The following MYOM2 variants were observed in gnomAD, a reference collection of about 807,000 sequenced individuals.
MYOM2 encodes the protein myomesin 2.
MYOM2 carries 254 observed loss-of-function variants against 187.6 expected under a neutral mutation model. The ratio of observed to expected loss-of-function variants is 1.35; its 90% CI spans 1.22 to 1.50. The LOEUF is 1.50. MYOM2 is among the 40% of genes most tolerant of loss of function. The pLI, the probability that MYOM2 is intolerant of heterozygous loss-of-function variation, is 0.00. For synonymous variants in MYOM2, 981 were observed against 753.8 expected (o/e 1.30, Z -4.94); for missense variants, 2,796 against 1,924.0 (o/e 1.45, Z -8.48).
intron 4 of MYOM2, 40 bp downstream of exon 4, chr8:2,057,526 G>C (rs1286470861): frequency 2.5e-6 from 4 of 1,613,370 alleles, no homozygotes; most frequent in Non-Finnish European, 3.4e-6. Flanking sequence ...TGGGAAGCGT[G>C]GACTAGATCT....
At chr8:2,138,114 G>C (rs1037410488) in intron 32 of MYOM2, among the ~76,000 whole-genome samples, 8 of 152,220 alleles carry the variant, frequency 5.3e-5, no homozygotes, top group African/African-American at 1.9e-4. Context: ...ATAGCGACCT[G>C]CTGTGAGCTC....
Position 2,143,401 on chromosome 8 carries a change from A to C in MYOM2, c.4025A>C (p.Asn1342Thr), listed in dbSNP as rs763400998. ...TAACCAAGGTGCTTTCCCGTTGCAGATCGTGGCAGGTTGATCGGCGGCTTG... is the reference window on the plus strand; with the variant it reads ...TAACCAAGGTGCTTTCCCGTTGCAGCTCGTGGCAGGTTGATCGGCGGCTTG... The part of the protein sequence containing the change: ...QFKAAAFAEK[N>T]RGRLIGGLPD... Residue 1342 changes from asparagine to threonine, a missense_variant and splice_region_variant, in exon 36 of 37, where the codon AAT (asparagine) becomes ACT (threonine). Coordinates refer to ENST00000262113, the MANE Select transcript of MYOM2 (RefSeq NM_003970.4). The C allele has an allele frequency of 1.2e-6, 2 of 1,613,972 alleles. No individual in the cohort carries two copies. The highest frequency in any genetic ancestry group is 1.7e-6 in the Non-Finnish European group (2 of 1,180,046).
intron 25 of MYOM2, among the ~76,000 whole-genome samples, chr8:2,113,649 G>A (rs1278782336): frequency 6.6e-6 from 1 of 152,158 alleles, no homozygotes; most frequent in Non-Finnish European, 1.5e-5. Flanking sequence ...GGTCTCAGTT[G>A]ATCAAGAAGG....
rs867879692 is a variant in MYOM2, at chr8:2,085,455, T to C, written c.1644+65T>C. 1.2e-3 allele frequency: 1,866 copies of C among 1,561,554 alleles called. 31 individuals are homozygous for C. The highest frequency in any genetic ancestry group is 5.3e-3 in the Middle Eastern group (30 of 5,638). On this transcript the variant is annotated intron_variant, in intron 14 of 36. Coordinates refer to ENST00000262113, the MANE Select transcript of MYOM2 (RefSeq NM_003970.4). ...CATGGCCCCCCACTGTCATGATCTC[T>C]GCGTGGCCCACCGCTGTCGTGATCT...
At chr8:2,075,375 G>A (rs141333033) in intron 10 of MYOM2, among the ~76,000 whole-genome samples, 1 of 152,180 alleles carries the variant, frequency 6.6e-6, no homozygotes, top group African/African-American at 2.4e-5. Context: ...TAAGGCAAAG[G>A]TGGGGAGTTT....
chr8:2,058,044 A>G (rs1331713912), intron 5 of MYOM2, among the ~76,000 whole-genome samples: 5 of 96,026 alleles, frequency 5.2e-5, no homozygotes, highest in Admixed American at 1.7e-4. Context: ...TTTGAGATGG[A>G]GTCTCGCTCT....
chr8:2,098,909 A>G lies in MYOM2; in HGVS notation c.2366A>G (p.Asn789Ser). The change falls in exon 19 of 37, where the codon AAC (asparagine) becomes AGC (serine). Residue 789 changes from asparagine to serine, a missense_variant. Physicochemically the swap from Asn to Ser is conservative, Grantham distance 46. Coordinates refer to ENST00000262113, the MANE Select transcript of MYOM2 (RefSeq NM_003970.4). ...SLYEFKIAAV[N>S]LAGIGEPSDP... ...TACGAGTTCAAAATCGCCGCCGTCA[A>G]CCTGGCCGGCATCGGGGAGCCCTCA... 1 of 1,613,354 alleles carries G rather than the reference A, an allele frequency of 6.2e-7. No individual in the cohort carries two copies. The highest frequency in any genetic ancestry group is 8.5e-7 in the Non-Finnish European group (1 of 1,179,750).
rs369035574 is a variant in MYOM2, at chr8:2,054,289, G to A, written c.263+1976G>A. ...TTGGCGCTCTGAAGGCACTCAACACGTCCTTCTGGAAGATACGACCCCGAT... is the reference window on the plus strand; with the variant it reads ...TTGGCGCTCTGAAGGCACTCAACACATCCTTCTGGAAGATACGACCCCGAT... On this transcript the variant is annotated intron_variant, in intron 3 of 36. Transcript: ENST00000262113. 1.2e-4 allele frequency among the ~76,000 whole-genome samples: 18 copies of A among 152,180 alleles called. No individual in the cohort carries two copies. The East Asian group carries it at 2.9e-3, about 24-fold the overall frequency.
At chr8:2,112,897 C>G (rs895698154) in intron 25 of MYOM2, among the ~76,000 whole-genome samples, 3 of 152,212 alleles carry the variant, frequency 2.0e-5, no homozygotes, top group Non-Finnish European at 4.4e-5. Flanking sequence ...GTTCCAAGGG[C>G]TGACGGAGTC....
chr8:2,049,822 G>C (rs1050478613), intron 1 of MYOM2, among the ~76,000 whole-genome samples: 3 of 152,158 alleles, frequency 2.0e-5, no homozygotes. Context: ...ATGTACAGCA[G>C]ATTGCCATGT....
At chr8:2,089,482 C>G (rs1387856870) in intron 14 of MYOM2, among the ~76,000 whole-genome samples, 1 of 152,140 alleles carries the variant, frequency 6.6e-6, no homozygotes, top group Non-Finnish European at 1.5e-5. Context: ...GACTAAAGAT[C>G]TTTATACAAT....
chr8:2,092,746 G>A (rs1328387440), intron 16 of MYOM2, among the ~76,000 whole-genome samples: 1 of 118,252 alleles, frequency 8.5e-6, no homozygotes, highest in African/African-American at 2.8e-5. Context: ...TGGATGAAAG[G>A]AGAGTTCCAG....
At position 2,085,456 on chromosome 8, in the gene MYOM2, G is replaced by A. The variant is rs1171013710; in HGVS notation, c.1644+66G>A. 2.5e-5 allele frequency: 39 copies of A among 1,563,218 alleles called. 1 individual carries two copies. The Middle Eastern group carries it at 4.6e-3, about 185-fold the overall frequency. ...ATGGCCCCCCACTGTCATGATCTCTGCGTGGCCCACCGCTGTCGTGATCTC... is the reference window on the plus strand; with the variant it reads ...ATGGCCCCCCACTGTCATGATCTCTACGTGGCCCACCGCTGTCGTGATCTC... On this transcript the variant is annotated intron_variant, in intron 14 of 36. Transcript: ENST00000262113.
At chr8:2,092,251 C>T (rs1472917805) in intron 15 of MYOM2, 95 bp from the exon 16 acceptor site, 6 of 1,411,304 alleles carry the variant, frequency 4.3e-6, no homozygotes, top group African/African-American at 2.9e-5. Flanking sequence ...CCCAGTCTGG[C>T]TGTCCAGTTC....
chr8:2,050,204 C>T (rs767098504), intron 1 of MYOM2, among the ~76,000 whole-genome samples: 3 of 152,164 alleles, frequency 2.0e-5, no homozygotes, highest in South Asian at 2.1e-4. Flanking sequence ...CCTGCCCGAC[C>T]TTTGCTTATG....
intron 32 of MYOM2, among the ~76,000 whole-genome samples, chr8:2,131,643 CT>C (rs5888888): frequency 0.49 from 55,242 of 113,454 alleles, 9,077 homozygotes; most frequent in African/African-American, 0.51. Context: ...GCATTTCTTT[CT>C]TTTTTTTTTT....
At chr8:2,129,777 G>T (rs1204755538) in intron 32 of MYOM2, among the ~76,000 whole-genome samples, 1 of 152,140 alleles carries the variant, frequency 6.6e-6, no homozygotes, top group South Asian at 2.1e-4. Flanking sequence ...GCACTGGGCA[G>T]GTCCCTGCTG....
chr8:2,083,688 C>T (rs1365037197), intron 13 of MYOM2, among the ~76,000 whole-genome samples: 1 of 152,236 alleles, frequency 6.6e-6, no homozygotes, highest in Non-Finnish European at 1.5e-5. Flanking sequence ...CTTCCCTCTC[C>T]CTGGCTCGAG....
chr8:2,062,426 T>C (rs1213708851), intron 6 of MYOM2, among the ~76,000 whole-genome samples: 1 of 152,054 alleles, frequency 6.6e-6, no homozygotes, highest in Admixed American at 6.6e-5. Context: ...AAGTGGGTGC[T>C]CTGGGCAGCT....
Sources: allele counts gnomAD v4.1 joint callset (sites outside exome capture counted in the v4.1 genomes callset), GRCh38; gene constraint gnomAD v4.1.1; transcripts MANE v1.5; gene names NCBI Gene and HGNC (gene_info 2026-07-23, HGNC 2026-07-21).